The following SFPQ variants were observed in gnomAD, a reference collection of about 807,000 sequenced individuals.
The protein encoded by SFPQ is splicing factor proline and glutamine rich, also known as splicing factor, proline- and glutamine-rich.
A neutral mutation model predicts 72.9 loss-of-function variants in SFPQ; 11 were observed. That is an observed-to-expected ratio of 0.15 (90% CI 0.09 to 0.25). The LOEUF (loss-of-function observed/expected upper bound fraction) is 0.25. SFPQ is among the 10% of genes least tolerant of loss of function. The probability of loss-of-function intolerance (pLI) is 1.00; values close to 1 mark genes in which losing one functional copy is unlikely to be tolerated. For missense variants in SFPQ, 847 were observed against 993.3 expected, an observed-to-expected ratio of 0.85 and a Z score of 1.98; for synonymous variants, 506 against 367.3, an observed-to-expected ratio of 1.38 and a Z score of -4.32.
chr1:35,182,615 A>G (rs1336309065), downstream of SFPQ: 1 of 985,358 alleles, frequency 1.0e-6, no homozygotes, highest in Non-Finnish European at 1.2e-6. Flanking sequence ...ACTAAACTTC[A>G]GCATGTTAAT....
At chr1:35,179,725 C>T (rs1226730030), downstream of SFPQ, 4 of 1,057,032 alleles carry the variant, frequency 3.8e-6, no homozygotes, top group African/African-American at 6.6e-5. Context: ...AACCCCCCAC[C>T]CCAATAAAGT....
intron 3 of SFPQ, 41 bp downstream of exon 3, chr1:35,190,648 CTCATA>C (rs763086595): frequency 6.2e-5 from 100 of 1,609,182 alleles, no homozygotes; most frequent in South Asian, 2.7e-4. Flanking sequence ...TGCCACCATT[CTCATA>C]TAAGTTGATA....
Position 35,192,834 on chromosome 1 carries a change from T to C in SFPQ, c.216A>G (p.Pro72=), listed in dbSNP as rs1570145904. 1 of 1,518,832 alleles carries C rather than the reference T, an allele frequency of 6.6e-7. No homozygotes were observed. Among genetic ancestry groups the C allele is most frequent in the East Asian group, 2.6e-5 (1 of 38,600 alleles). 94.1% of individuals were successfully genotyped at this position (1,518,832 alleles called of 1,614,324 possible). A position where few individuals can be genotyped will look rare whatever the true frequency, so the allele number is the denominator to read the frequency against. ...PPPPHQQQQQ[P]PPQQPPPQQP... ...GCTGCGGCGGTGGCTGCTGCGGTGG[T>C]GGCTGTTGCTGCTGTTGGTGTGGAG... The change falls in exon 1 of 10, where the codon CCA becomes CCG. Residue 72 remains proline (P), a synonymous_variant. Coordinates refer to ENST00000357214, the MANE Select transcript of SFPQ (RefSeq NM_005066.3).
downstream of SFPQ, chr1:35,179,664 C>T: frequency 9.5e-7 from 1 of 1,056,064 alleles, no homozygotes. Flanking sequence ...GTTTCTCATT[C>T]TAAAGTGCAA....
Position 35,187,189 on chromosome 1 carries a change from A to C in SFPQ, c.1864+14T>G, listed in dbSNP as rs368160216. ...ACTCTCTACTTATATCATTAATTTA[A>C]ATTTCACACTTACCTCCCATGTTCA... On this transcript the variant is annotated intron_variant, in intron 8 of 9. Transcript: ENST00000357214. The C allele has an allele frequency of 5.0e-6, 8 of 1,613,904 alleles. No homozygotes were observed. Among genetic ancestry groups the C allele is most frequent in the Non-Finnish European group, 5.9e-6 (7 of 1,179,978 alleles).
intron 9 of SFPQ, 96 bp from the exon 10 acceptor site, chr1:35,184,689 T>A: frequency 7.1e-7 from 1 of 1,416,456 alleles, no homozygotes; most frequent in Non-Finnish European, 9.2e-7. Context: ...CGTTCGTCGA[T>A]ACAATCACCA....
chr1:35,180,750 T>C (rs1258842028), downstream of SFPQ: 3 of 1,060,866 alleles, frequency 2.8e-6, no homozygotes, highest in African/African-American at 4.9e-5. Flanking sequence ...CAATAGAGAC[T>C]AATTATCACA....
downstream of SFPQ, chr1:35,180,387 A>G: frequency 9.6e-7 from 1 of 1,044,754 alleles, no homozygotes; most frequent in South Asian, 4.6e-5. Flanking sequence ...AACCAAATTC[A>G]AAAAGCTACT....
At chr1:35,192,159 G>C (rs1008618863) in intron 1 of SFPQ, 63 bp downstream of exon 1, 1 of 1,255,906 alleles carries the variant, frequency 8.0e-7, no homozygotes, top group Admixed American at 4.1e-5. Context: ...CGCGGGGGCG[G>C]GGGCGAGGAG....
At chr1:35,178,988 A>G (rs1263712632), downstream of SFPQ, 1 of 1,056,792 alleles carries the variant, frequency 9.5e-7, no homozygotes, top group Non-Finnish European at 1.1e-6. Context: ...TTGAGTCTTA[A>G]AAATTGCCAA....
downstream of SFPQ, chr1:35,182,143 AG>A: frequency 2.0e-6 from 2 of 985,428 alleles, no homozygotes; most frequent in Non-Finnish European, 2.4e-6. Flanking sequence ...TTTTATAGGC[AG>A]ATTTTCCCAT....
At position 35,184,280 on chromosome 1, in the gene SFPQ, T is replaced by C; in HGVS notation, c.*176A>G. Reference sequence around the variant, plus strand: ...AAAAAGGAAAAAAAAATTCTCCTGTTCCAAACACTGCATTACATAATTTTA... The same window carrying C: ...AAAAAGGAAAAAAAAATTCTCCTGTCCCAAACACTGCATTACATAATTTTA... On this transcript the variant is annotated 3_prime_UTR_variant, in exon 10 of 10. Coordinates refer to ENST00000357214, the MANE Select transcript of SFPQ (RefSeq NM_005066.3). The C allele has an allele frequency of 2.9e-6, 4 of 1,397,804 alleles. No individual in the cohort carries two copies. In the South Asian group the frequency reaches 7.0e-5, roughly 25 times the overall value. The allele number at this position is 1,397,804 out of a possible 1,614,324, so 86.6% of individuals were successfully genotyped here.
At chr1:35,176,454 G>A (rs963021605) in exon 6 of SFPQ, 2 of 152,048 alleles carry the variant, frequency 1.3e-5, no homozygotes, top group Non-Finnish European at 2.9e-5. Context: ...TGGTTTTCTG[G>A]ACACAGCTCA....
At position 35,186,655 on chromosome 1, in the gene SFPQ, C is replaced by T. The variant is rs113186795; in HGVS notation, c.1986+346G>A. ...TGAGTTTGCCATTTGATTATTCTCACTTGGATGTAGAATAATCAGATACAT... is the reference window on the plus strand; with the variant it reads ...TGAGTTTGCCATTTGATTATTCTCATTTGGATGTAGAATAATCAGATACAT... On this transcript the variant is annotated intron_variant, in intron 9 of 9. Transcript: ENST00000357214. 3.5e-3 allele frequency among the ~76,000 whole-genome samples: 536 copies of T among 152,290 alleles called. 5 individuals are homozygous for T. Among genetic ancestry groups the T allele is most frequent in the African/African-American group, 0.012 (495 of 41,550 alleles).
At chr1:35,191,868 G>A (rs1570140680) in intron 1 of SFPQ, among the ~76,000 whole-genome samples, 1 of 152,210 alleles carries the variant, frequency 6.6e-6, no homozygotes, top group Non-Finnish European at 1.5e-5. Context: ...TAACCTACAC[G>A]ATCTGCGCCT....
chr1:35,186,796 C>T (rs1184519825), intron 9 of SFPQ, among the ~76,000 whole-genome samples: 1 of 152,108 alleles, frequency 6.6e-6, no homozygotes, highest in East Asian at 1.9e-4. Flanking sequence ...TTGTTGGCAA[C>T]CGTTATCTGT....
chr1:35,179,382 C>A (rs985880011), downstream of SFPQ: 2 of 1,057,068 alleles, frequency 1.9e-6, no homozygotes, highest in African/African-American at 3.3e-5. Context: ...TTTCTTTCAT[C>A]TTTCAGAAAG....
At position 35,192,500 on chromosome 1, in the gene SFPQ, G is replaced by C. The variant is rs1640074292; in HGVS notation, c.550C>G (p.Pro184Ala). 2 of 1,325,726 alleles carry C rather than the reference G, an allele frequency of 1.5e-6. No homozygotes were observed. The highest frequency in any genetic ancestry group is 4.2e-5 in the South Asian group (2 of 48,032). The allele number at this position is 1,325,726 out of a possible 1,614,324, so 82.1% of individuals were successfully genotyped here. Reference sequence around the variant, plus strand: ...GGGACTGCCGCGGGCGGAGGCGGCGGGCCTCCGGCCTGAGGAGGTGTGGTA... The same window carrying C: ...GGGACTGCCGCGGGCGGAGGCGGCGCGCCTCCGGCCTGAGGAGGTGTGGTA... ...VPTTPPQAGG[P>A]PPPPAAVPGP... The change falls in exon 1 of 10, where the codon CCG (proline) becomes GCG (alanine). Residue 184 changes from proline (P) to alanine (A), a missense_variant. Physicochemically the swap from Pro to Ala is conservative, Grantham distance 27 (BLOSUM62 -1). Coordinates refer to ENST00000357214, the MANE Select transcript of SFPQ (RefSeq NM_005066.3).
chr1:35,179,868 A>C, downstream of SFPQ: 1 of 1,054,044 alleles, frequency 9.5e-7, no homozygotes, highest in Non-Finnish European at 1.1e-6. Context: ...CACCGATTTA[A>C]TGGATTACGA....
Sources: allele counts gnomAD v4.1 joint callset (sites outside exome capture counted in the v4.1 genomes callset), GRCh38; gene constraint gnomAD v4.1.1; transcripts MANE v1.5; gene names NCBI Gene and HGNC (gene_info 2026-07-23, HGNC 2026-07-21).